The following QSER1 variants were observed in gnomAD, a reference collection of about 807,000 sequenced individuals.
The protein encoded by QSER1 is glutamine and serine rich 1, also known as glutamine and serine-rich protein 1.
QSER1 carries 49 observed loss-of-function variants against 158.5 expected under a neutral mutation model. The observed-to-expected ratio is 0.31, with a 90% CI of 0.25 to 0.39. QSER1 has a LOEUF of 0.39. Ranked by LOEUF, QSER1 falls within the 10% of genes least tolerant of loss-of-function variation. The pLI, the probability that QSER1 is intolerant of heterozygous loss-of-function variation, is 1.00. For synonymous variants in QSER1, 650 were observed against 715.5 expected (o/e 0.91, Z 1.46); for missense variants, 1,754 against 2,010.3 (o/e 0.87, Z 2.44).
intron 1 of QSER1, among the ~76,000 whole-genome samples, chr11:32,917,439 ATTTTC>A (rs1295478446): frequency 6.6e-6 from 1 of 152,046 alleles, no homozygotes; most frequent in East Asian, 1.9e-4. Flanking sequence ...TTTTATTAAT[ATTTTC>A]TTAATTCAGT....
chr11:32,897,103 A>C (rs1347495803), intron 1 of QSER1, among the ~76,000 whole-genome samples: 1 of 152,220 alleles, frequency 6.6e-6, no homozygotes, highest in Non-Finnish European at 1.5e-5. Flanking sequence ...TTCATTTATC[A>C]AAATTCATTT....
intron 1 of QSER1, among the ~76,000 whole-genome samples, chr11:32,915,459 A>G (rs1445823547): frequency 2.6e-5 from 4 of 152,084 alleles, no homozygotes; most frequent in Non-Finnish European, 4.4e-5. Context: ...GTAAAAGTTT[A>G]CTATTCTCTC....
chr11:32,926,714 A>G (rs1851976951), intron 1 of QSER1: 1 of 152,202 alleles, frequency 6.6e-6, no homozygotes, highest in Admixed American at 6.5e-5. Context: ...CTGTTATTCC[A>G]TAGAATACTA....
At chr11:32,958,545 C>T (rs1372519554) in intron 8 of QSER1, among the ~76,000 whole-genome samples, 1 of 152,054 alleles carries the variant, frequency 6.6e-6, no homozygotes, top group African/African-American at 2.4e-5. Flanking sequence ...ACCACCATGC[C>T]CAGCTAATGT....
At chr11:32,947,519 T>C (rs1308819099) in intron 4 of QSER1, among the ~76,000 whole-genome samples, 1 of 152,182 alleles carries the variant, frequency 6.6e-6, no homozygotes, top group Non-Finnish European at 1.5e-5. Flanking sequence ...GTATGGAATT[T>C]GGCTTAAAAT....
chr11:32,937,521 CGA>C (rs1332561621), intron 4 of QSER1, among the ~76,000 whole-genome samples: 2 of 152,090 alleles, frequency 1.3e-5, no homozygotes, highest in Non-Finnish European at 2.9e-5. Context: ...CTCCTGGCCT[CGA>C]GCAGTCCTCC....
intron 1 of QSER1, among the ~76,000 whole-genome samples, chr11:32,898,558 T>A (rs1851586448): frequency 1.3e-5 from 2 of 151,808 alleles, no homozygotes. Flanking sequence ...TGGCTCTGCG[T>A]TTACTGACCA....
At position 32,973,413 on chromosome 11, in the gene QSER1, T is replaced by C; in HGVS notation, c.5222T>C (p.Phe1741Ser). 1 of 1,613,492 alleles carries C rather than the reference T, an allele frequency of 6.2e-7. No homozygotes were observed. ...DQSFKNALES[F>S]PELTIITRDS... is the part of the protein sequence containing the mutation. The stretch of plus-strand genomic sequence containing the variant: ...GTTTTCCAGAATGCTTTGGAAAGTT[T>C]TCCTGAACTAACAATAATTACTCGA... The change falls in exon 11 of 13, where the codon TTT becomes TCT. Residue 1741 changes from phenylalanine to serine, a missense_variant. Transcript: ENST00000650167.
At chr11:32,920,852 A>C (rs1851891124) in intron 1 of QSER1, among the ~76,000 whole-genome samples, 1 of 152,192 alleles carries the variant, frequency 6.6e-6, no homozygotes, top group Non-Finnish European at 1.5e-5. Flanking sequence ...ACAGATAATA[A>C]ATATTAGTGA....
At position 32,933,314 on chromosome 11, in the gene QSER1, T is replaced by C; in HGVS notation, c.2056T>C (p.Ser686Pro). 1 of 1,610,866 alleles carries C rather than the reference T, an allele frequency of 6.2e-7. No individual in the cohort carries two copies. Among genetic ancestry groups the C allele is most frequent in the Non-Finnish European group, 8.5e-7 (1 of 1,178,942 alleles). Residue 686 changes from serine to proline, a missense_variant, in exon 4 of 13, where the codon TCT becomes CCT. Transcript: ENST00000650167. ...ERKLDSDVYP[S>P]SKQEDGFPMQ... ...AAAGCTTGACTCAGATGTGTATCCA[T>C]CTTCAAAGCAAGAAGATGGTTTTCC... is the stretch of plus-strand genomic sequence containing the variant.
chr11:32,956,212 ATTTT>A (rs1271554120), intron 7 of QSER1, 91 bp downstream of exon 7: 1 of 1,190,780 alleles, frequency 8.4e-7, no homozygotes, highest in Middle Eastern at 2.9e-4. Flanking sequence ...AATTAAATAG[ATTTT>A]TTTTATTATA....
At chr11:32,960,373 A>C (rs1460909088) in intron 8 of QSER1, among the ~76,000 whole-genome samples, 1 of 152,066 alleles carries the variant, frequency 6.6e-6, no homozygotes, top group East Asian at 1.9e-4. Flanking sequence ...ACTGGCCAAC[A>C]CGGTGAAACC....
intron 4 of QSER1, among the ~76,000 whole-genome samples, chr11:32,942,776 A>G (rs1564938592): frequency 6.6e-6 from 1 of 151,884 alleles, no homozygotes; most frequent in Admixed American, 6.6e-5. Flanking sequence ...GAAGAAAGGC[A>G]TTGGTAGCTT....
rs35359579 is a variant in QSER1, at chr11:32,939,948, A to ATTT, written c.4177+4532_4177+4534dup. ...CTAGTCTGTTGCCTAGAAGACTGAG[A>ATTT]TTTTTTTTTTTTTTTTTTTTTGAGA... On this transcript the variant is annotated intron_variant, in intron 4 of 12. Transcript: ENST00000650167. Among the ~76,000 whole-genome samples, 106 of 124,348 alleles carry ATTT rather than the reference A, an allele frequency of 8.5e-4. 1 individual carries two copies. The highest frequency in any genetic ancestry group is 3.0e-3 in the African/African-American group (98 of 33,218). The allele number at this position is 124,348 out of a possible 152,430, so 81.6% of individuals were successfully genotyped here.
At chr11:32,965,962 C>CACACACACACACAT (rs1564947099) in intron 8 of QSER1, among the ~76,000 whole-genome samples, 2 of 150,864 alleles carry the variant, frequency 1.3e-5, no homozygotes, top group African/African-American at 2.4e-5. Context: ...CACACACACA[C>CACACACACACACAT]ACACACACAC....
intron 8 of QSER1, among the ~76,000 whole-genome samples, chr11:32,962,952 C>A (rs1022374569): frequency 6.6e-6 from 1 of 152,072 alleles, no homozygotes; most frequent in Non-Finnish European, 1.5e-5. Context: ...ATCTTGTTTT[C>A]TTGGGGGAAA....
At chr11:32,956,407 C>T (rs1318170905) in intron 7 of QSER1, among the ~76,000 whole-genome samples, 1 of 152,074 alleles carries the variant, frequency 6.6e-6, no homozygotes, top group Non-Finnish European at 1.5e-5. Context: ...TTGAGTCCAG[C>T]TTTATGTGAC....
At chr11:32,950,199 A>G (rs188870555) in intron 4 of QSER1, among the ~76,000 whole-genome samples, 60 of 151,896 alleles carry the variant, frequency 4.0e-4, no homozygotes, top group African/African-American at 1.3e-3. Context: ...GGTTCAAGCG[A>G]TTCTCCTGCC....
intron 11 of QSER1, among the ~76,000 whole-genome samples, chr11:32,974,981 A>G (rs1852946226): frequency 6.6e-6 from 1 of 152,178 alleles, no homozygotes; most frequent in African/African-American, 2.4e-5. Context: ...TTTATAAATC[A>G]TCTCATATGT....
Sources: gnomAD v4.1 joint callset for allele counts (sites outside exome capture counted in the v4.1 genomes callset) on GRCh38, gnomAD v4.1.1 for gene constraint, MANE v1.5 for transcripts, NCBI Gene and HGNC (gene_info 2026-07-23, HGNC 2026-07-21) for gene names.